XYLT1: variants seen among roughly 807,000 people sequenced by gnomAD.
XYLT1 encodes the protein beta-D-xylosyltransferase 1.
In XYLT1, 36 loss-of-function variants were observed where a neutral mutation model predicts 91.3. The observed-to-expected ratio is 0.39, with a 90% CI of 0.30 to 0.52. XYLT1 has a LOEUF of 0.52. Among genes scored for constraint, XYLT1 ranks in the 20% least tolerant of loss-of-function variants. The pLI, the probability that XYLT1 is intolerant of heterozygous loss-of-function variation, is 0.68. For synonymous variants in XYLT1, 588 were observed against 532.0 expected (o/e 1.11, Z -1.45); for missense variants, 1,242 against 1,284.5 (o/e 0.97, Z 0.51).
At chr16:17,190,883 G>C (rs1286468672) in intron 5 of XYLT1, among the ~76,000 whole-genome samples, 1 of 152,174 alleles carries the variant, frequency 6.6e-6, no homozygotes, top group Non-Finnish European at 1.5e-5. Flanking sequence ...TGATTCTACA[G>C]TTTACTGGCT....
chr16:17,156,448 T>C (rs555287640), intron 6 of XYLT1, among the ~76,000 whole-genome samples: 2 of 152,230 alleles, frequency 1.3e-5, no homozygotes, highest in Non-Finnish European at 2.9e-5. Flanking sequence ...GGAATACCAA[T>C]GTCTGAGCCA....
chr16:17,132,081 G>A (rs1049570259), intron 9 of XYLT1, among the ~76,000 whole-genome samples: 1 of 152,148 alleles, frequency 6.6e-6, no homozygotes, highest in Non-Finnish European at 1.5e-5. Context: ...GGAATTTCCT[G>A]TAAGATCATT....
At chr16:17,294,786 T>A (rs2034285361) in intron 2 of XYLT1, among the ~76,000 whole-genome samples, 1 of 152,030 alleles carries the variant, frequency 6.6e-6, no homozygotes, top group Admixed American at 6.5e-5. Flanking sequence ...AAATGACAGT[T>A]CTAGGGTCGT....
chr16:17,258,879 A>T, intron 3 of XYLT1, 109 bp downstream of exon 3: 2 of 1,314,632 alleles, frequency 1.5e-6, no homozygotes, highest in East Asian at 5.0e-5. Flanking sequence ...GGGTTTGGAA[A>T]ACAGGGTGGC....
chr16:17,248,745 ATTT>A (rs1045404682), intron 3 of XYLT1, among the ~76,000 whole-genome samples: 4 of 127,020 alleles, frequency 3.1e-5, no homozygotes, highest in Admixed American at 8.4e-5. Flanking sequence ...TTACATGTGA[ATTT>A]TTTTTTTTTT....
chr16:17,244,539 T>C (rs570212815), intron 3 of XYLT1, among the ~76,000 whole-genome samples: 28 of 152,246 alleles, frequency 1.8e-4, no homozygotes, highest in African/African-American at 6.3e-4. Flanking sequence ...CAATTTAAAA[T>C]GGGCAAGCTG....
intron 9 of XYLT1, among the ~76,000 whole-genome samples, chr16:17,128,988 T>TAAC (rs1297187161): frequency 6.9e-6 from 1 of 145,732 alleles, no homozygotes; most frequent in East Asian, 2.0e-4. Flanking sequence ...TGTCCAATTA[T>TAAC]AACAGTTAGG....
chr16:17,162,852 T>G (rs2031588084), intron 5 of XYLT1, among the ~76,000 whole-genome samples: 1 of 152,232 alleles, frequency 6.6e-6, no homozygotes, highest in Non-Finnish European at 1.5e-5. Flanking sequence ...AGTAGTTAAT[T>G]CTCTGCTTTC....
intron 2 of XYLT1, among the ~76,000 whole-genome samples, chr16:17,342,222 G>T (rs1433623746): frequency 6.6e-6 from 1 of 152,148 alleles, no homozygotes; most frequent in South Asian, 2.1e-4. Flanking sequence ...CTATCTCAGG[G>T]CCTTTGCCCT....
chr16:17,344,056 C>A (rs67531672), intron 2 of XYLT1, among the ~76,000 whole-genome samples: 21,458 of 152,082 alleles, frequency 0.14, 2,137 homozygotes, highest in African/African-American at 0.28. Context: ...CTCAGGGGTG[C>A]TTTTGCTCCC....
rs532879632 is a variant in XYLT1 at position 17,312,626 on chromosome 16, G to C, written c.402+45386C>G. ...GTACAATACTGTTAACGGGACTGCA[G>C]ATTTTGTTTTTGTTTTCACCCATTT... is the stretch of plus-strand genomic sequence containing the variant. On this transcript the variant is annotated intron_variant, in intron 2 of 11. Coordinates refer to ENST00000261381, the MANE Select transcript of XYLT1 (RefSeq NM_022166.4). This position sits in a 1 kb window ranked among gnomAD's most constrained non-coding sequence, Gnocchi z 4.4. 1.7e-4 allele frequency among the ~76,000 whole-genome samples: 26 copies of C among 152,274 alleles called. No homozygotes were observed. The highest frequency in any genetic ancestry group is 6.3e-4 in the African/African-American group (26 of 41,552).
intron 2 of XYLT1, among the ~76,000 whole-genome samples, chr16:17,264,815 G>A (rs994884393): frequency 6.6e-6 from 1 of 152,164 alleles, no homozygotes; most frequent in Non-Finnish European, 1.5e-5. Context: ...GTAATGAAGT[G>A]ATTCAAACTC....
intron 1 of XYLT1, among the ~76,000 whole-genome samples, chr16:17,371,323 G>A (rs2035529430): frequency 6.6e-6 from 1 of 152,200 alleles, no homozygotes; most frequent in Non-Finnish European, 1.5e-5. Context: ...AAAGCACTTG[G>A]TAAATTCTTG....
At chr16:17,212,353 C>T (rs7199723) in intron 3 of XYLT1, among the ~76,000 whole-genome samples, 130,465 of 152,158 alleles carry the variant, frequency 0.86, 56,420 homozygotes, top group East Asian at 1. Flanking sequence ...TAAATTCTAA[C>T]TTAATTAGTT....
chr16:17,270,953 C>T (rs2033879280), intron 2 of XYLT1, among the ~76,000 whole-genome samples: 1 of 152,166 alleles, frequency 6.6e-6, no homozygotes, highest in Non-Finnish European at 1.5e-5. Flanking sequence ...CCCAAGGTCA[C>T]TCGGTGGGTA....
At chr16:17,149,256 T>C (rs2031222831) in intron 6 of XYLT1, among the ~76,000 whole-genome samples, 1 of 152,272 alleles carries the variant, frequency 6.6e-6, no homozygotes, top group Non-Finnish European at 1.5e-5. Flanking sequence ...TCATCAAGTA[T>C]GGAATTATTC....
chr16:17,271,455 CAG>C (rs2141772810), intron 2 of XYLT1, among the ~76,000 whole-genome samples: 1 of 152,132 alleles, frequency 6.6e-6, no homozygotes, highest in Admixed American at 6.5e-5. Flanking sequence ...GAGAGAGAGA[CAG>C]AGAGGGAGAC....
chr16:17,285,863 C>T (rs1433342658), intron 2 of XYLT1, among the ~76,000 whole-genome samples: 1 of 146,914 alleles, frequency 6.8e-6, no homozygotes, highest in African/African-American at 2.5e-5. Flanking sequence ...AGCCCCAAAC[C>T]TGGTGTATCT....
intron 3 of XYLT1, among the ~76,000 whole-genome samples, chr16:17,239,136 T>C (rs1302147832): frequency 6.6e-6 from 1 of 152,260 alleles, no homozygotes; most frequent in Non-Finnish European, 1.5e-5. Flanking sequence ...TGTCATTTCT[T>C]GCCTAGACTA....
Sources: allele counts gnomAD v4.1 joint callset (sites outside exome capture counted in the v4.1 genomes callset), GRCh38; gene constraint gnomAD v4.1.1; non-coding constraint Gnocchi (gnomAD v3.1); transcripts MANE v1.5; gene names NCBI Gene and HGNC (gene_info 2026-07-23, HGNC 2026-07-21).